NRXN1: variants seen among roughly 807,000 people sequenced by gnomAD.
The protein encoded by NRXN1 is neurexin-1.
NRXN1 carries 39 observed loss-of-function variants against 150.9 expected under a neutral mutation model. The ratio of observed to expected loss-of-function variants is 0.26; its 90% CI spans 0.20 to 0.34. The LOEUF is 0.34. Among genes scored for constraint, NRXN1 ranks in the 10% least tolerant of loss-of-function variants. The pLI, the probability that NRXN1 is intolerant of heterozygous loss-of-function variation, is 1.00. For synonymous variants in NRXN1, 924 were observed against 757.0 expected (o/e 1.22, Z -3.62); for missense variants, 1,815 against 1,949.9 (o/e 0.93, Z 1.30).
chr2:49,924,055 C>T (rs1210677085), intron 22 of NRXN1, among the ~76,000 whole-genome samples: 1 of 152,196 alleles, frequency 6.6e-6, no homozygotes, highest in Non-Finnish European at 1.5e-5. Context: ...CACTACCTGA[C>T]AAACCAAAGG....
intron 5 of NRXN1, among the ~76,000 whole-genome samples, chr2:50,635,356 G>A (rs1359397105): frequency 1.1e-4 from 16 of 149,856 alleles, no homozygotes; most frequent in Admixed American, 3.3e-4. Context: ...TAGTAGAGAC[G>A]GGGTTTCACC....
chr2:49,991,711 C>A (rs1187306742), intron 21 of NRXN1, among the ~76,000 whole-genome samples: 1 of 152,072 alleles, frequency 6.6e-6, no homozygotes, highest in African/African-American at 2.4e-5. Context: ...AAAATCCTGG[C>A]AAGTTATTTT....
At chr2:50,683,646 A>AAAAAAAAAAATAT in intron 5 of NRXN1, among the ~76,000 whole-genome samples, 3 of 14,906 alleles carry the variant, frequency 2.0e-4, no homozygotes, top group African/African-American at 1.1e-3. Flanking sequence ...AAAAAAAAAA[A>AAAAAAAAAAATAT]ATATATATAT....
intron 9 of NRXN1, among the ~76,000 whole-genome samples, chr2:50,539,809 G>A (rs140425020): frequency 1.3e-5 from 2 of 152,206 alleles, no homozygotes; most frequent in African/African-American, 4.8e-5. Context: ...ATTTAGGGAA[G>A]AGACACAAGA....
intron 21 of NRXN1, among the ~76,000 whole-genome samples, chr2:50,042,007 A>T (rs1180847468): frequency 1.3e-5 from 2 of 152,200 alleles, no homozygotes; most frequent in Admixed American, 1.3e-4. Context: ...CAGTAGCATA[A>T]ATTGAAATGG....
intron 18 of NRXN1, among the ~76,000 whole-genome samples, chr2:50,182,510 G>A (rs1003008978): frequency 6.6e-6 from 1 of 151,984 alleles, no homozygotes; most frequent in African/African-American, 2.4e-5. Flanking sequence ...TGGATTCTCT[G>A]TTAAGTTATG....
intron 5 of NRXN1, among the ~76,000 whole-genome samples, chr2:50,671,573 A>G (rs1424371572): frequency 1.3e-5 from 2 of 151,734 alleles, no homozygotes; most frequent in African/African-American, 2.4e-5. Flanking sequence ...TGCACTTTTT[A>G]TAACTAAATA....
intron 17 of NRXN1, among the ~76,000 whole-genome samples, chr2:50,333,231 G>A (rs1483174239): frequency 6.6e-6 from 1 of 152,146 alleles, no homozygotes; most frequent in Admixed American, 6.5e-5. Context: ...ACCAGCTTAT[G>A]GGGTTATAGT....
chr2:50,725,330 A>G (rs1461642586), intron 5 of NRXN1, among the ~76,000 whole-genome samples: 1 of 151,612 alleles, frequency 6.6e-6, no homozygotes, highest in East Asian at 1.9e-4. Flanking sequence ...ATATGTGGAA[A>G]GTTTTCAACA....
intron 17 of NRXN1, among the ~76,000 whole-genome samples, chr2:50,461,088 T>C (rs1012629430): frequency 2.0e-5 from 3 of 152,088 alleles, no homozygotes; most frequent in African/African-American, 7.2e-5. Flanking sequence ...TATTGGATTC[T>C]CTTTCAAACA....
intron 18 of NRXN1, among the ~76,000 whole-genome samples, chr2:50,155,023 T>A (rs1184504205): frequency 1.3e-5 from 2 of 151,684 alleles, no homozygotes; most frequent in Non-Finnish European, 3.0e-5. Context: ...TGGAATTTCA[T>A]CAAAGCTGTA....
At chr2:49,950,447 C>T (rs1013818345) in intron 21 of NRXN1, among the ~76,000 whole-genome samples, 7 of 151,826 alleles carry the variant, frequency 4.6e-5, no homozygotes, top group African/African-American at 1.7e-4. Context: ...GACAGTGAGG[C>T]CCAATTACTC....
intron 17 of NRXN1, among the ~76,000 whole-genome samples, chr2:50,319,134 G>C (rs1224482456): frequency 6.6e-6 from 1 of 151,984 alleles, no homozygotes; most frequent in Non-Finnish European, 1.5e-5. Context: ...TCTTTTCTGA[G>C]TCATATATTT....
At chr2:50,158,549 C>T (rs1350068083) in intron 18 of NRXN1, among the ~76,000 whole-genome samples, 1 of 151,980 alleles carries the variant, frequency 6.6e-6, no homozygotes, top group Non-Finnish European at 1.5e-5. Flanking sequence ...TACAAAGCAA[C>T]TGGTTTTCTT....
At chr2:50,352,821 G>T (rs1352021273) in intron 17 of NRXN1, among the ~76,000 whole-genome samples, 1 of 148,056 alleles carries the variant, frequency 6.8e-6, no homozygotes, top group African/African-American at 2.5e-5. Flanking sequence ...CAGGCTAAAA[G>T]CATCTCTGGA....
Position 50,761,233 on chromosome 2 carries a change from A to G in NRXN1, c.833-137618T>C, listed in dbSNP as rs138509326. Among the ~76,000 whole-genome samples the G allele has an allele frequency of 2.1e-3, 319 of 151,948 alleles. 2 individuals are homozygous for G. The highest frequency in any genetic ancestry group is 0.02 in the South Asian group (96 of 4,818). The stretch of plus-strand genomic sequence containing the variant: ...TGCTATATTGTCCAGTGCAGTGGCT[A>G]TTCACAGGTGTTATGATTTGGCTGT... On this transcript the variant is annotated intron_variant, in intron 5 of 22. Coordinates refer to ENST00000401669, the MANE Select transcript of NRXN1 (RefSeq NM_001330078.2).
intron 5 of NRXN1, among the ~76,000 whole-genome samples, chr2:50,666,956 C>T (rs767834216): frequency 9.9e-5 from 15 of 151,532 alleles, no homozygotes; most frequent in Admixed American, 3.3e-4. Context: ...AGAGAACACA[C>T]GCATGGCGTG....
At chr2:50,613,857 G>T (rs1204369776) in intron 8 of NRXN1, among the ~76,000 whole-genome samples, 1 of 152,132 alleles carries the variant, frequency 6.6e-6, no homozygotes, top group Admixed American at 6.5e-5. Flanking sequence ...AGAATGGCGT[G>T]AACCCAGGTG....
intron 17 of NRXN1, among the ~76,000 whole-genome samples, chr2:50,392,502 T>G (rs2081786805): frequency 1.3e-5 from 2 of 152,080 alleles, no homozygotes; most frequent in Admixed American, 1.3e-4. Flanking sequence ...ATAGGTAAGG[T>G]GAAAAAGAGA....
Sources: gnomAD v4.1 joint callset for allele counts (sites outside exome capture counted in the v4.1 genomes callset) on GRCh38, gnomAD v4.1.1 for gene constraint, MANE v1.5 for transcripts, NCBI Gene and HGNC (gene_info 2026-07-23, HGNC 2026-07-21) for gene names.